NDUFA13: variants seen among roughly 807,000 people sequenced by gnomAD.
NDUFA13 encodes NADH:ubiquinone oxidoreductase subunit A13.
Under a neutral mutation model 17.0 loss-of-function variants are expected in NDUFA13, and 16 were observed. The observed-to-expected ratio is 0.94, with a 90% confidence interval of 0.64 to 1.43. The LOEUF is 1.43. Ranked by LOEUF, NDUFA13 falls within the 40% of genes most tolerant of loss-of-function variation. The probability of loss-of-function intolerance (pLI) is 0.00; values close to 1 mark genes in which losing one functional copy is unlikely to be tolerated. For synonymous variants in NDUFA13, 87 were observed against 78.4 expected (o/e 1.11, Z -0.58); for missense variants, 228 against 206.7 (o/e 1.10, Z -0.63).
chr19:19,526,987 C>T (rs907122886), intron 2 of NDUFA13, among the ~76,000 whole-genome samples: 1 of 152,244 alleles, frequency 6.6e-6, no homozygotes, highest in Non-Finnish European at 1.5e-5. Flanking sequence ...TCGCGATCAT[C>T]AGGCAGAGTT....
intron 1 of NDUFA13, among the ~76,000 whole-genome samples, chr19:19,524,068 C>G (rs1198765364): frequency 8.7e-6 from 1 of 114,316 alleles, no homozygotes; most frequent in South Asian, 3.1e-4. Flanking sequence ...AAAATTTGAT[C>G]CCACCACTGC....
At chr19:19,521,396 T>A (rs889741181) in intron 1 of NDUFA13, among the ~76,000 whole-genome samples, 29 of 152,416 alleles carry the variant, frequency 1.9e-4, no homozygotes, top group African/African-American at 6.7e-4. Flanking sequence ...TTTTATTATT[T>A]TTTTCAAGAG....
intron 1 of NDUFA13, among the ~76,000 whole-genome samples, chr19:19,520,619 G>T (rs923422027): frequency 9.2e-5 from 14 of 152,132 alleles, no homozygotes; most frequent in African/African-American, 3.4e-4. Context: ...AACAGAGTAA[G>T]ACTCCATCTC....
intron 1 of NDUFA13, among the ~76,000 whole-genome samples, chr19:19,518,015 G>T (rs1297860621): frequency 6.6e-6 from 1 of 151,528 alleles, no homozygotes; most frequent in African/African-American, 2.4e-5. Context: ...GGTGGCTCAT[G>T]CCTGTAATCC....
At chr19:19,527,824 G>A in intron 4 of NDUFA13, 54 bp downstream of exon 4, 1 of 1,531,152 alleles carries the variant, frequency 6.5e-7, no homozygotes, top group Admixed American at 2.0e-5. Context: ...ACAGGGCCTG[G>A]GGTTGGGGAG....
chr19:19,520,125 T>C (rs1395599605), intron 1 of NDUFA13, among the ~76,000 whole-genome samples: 3 of 152,184 alleles, frequency 2.0e-5, no homozygotes, highest in African/African-American at 4.8e-5. Context: ...ATTACAGGCA[T>C]GAGCCACTGC....
At chr19:19,526,130 A>G (rs759876898) in intron 1 of NDUFA13, 52 bp from the exon 2 acceptor site, 2 of 1,603,128 alleles carry the variant, frequency 1.2e-6, no homozygotes, top group Non-Finnish European at 8.5e-7. Context: ...GGAGCTGTGG[A>G]GGAGGGTGTC....
At chr19:19,521,874 TTACAGGTG>T (rs2061079772) in intron 1 of NDUFA13, among the ~76,000 whole-genome samples, 1 of 151,252 alleles carries the variant, frequency 6.6e-6, no homozygotes, top group Non-Finnish European at 1.5e-5. Flanking sequence ...AGTGCTGGGA[TTACAGGTG>T]TGAGCCACTG....
intron 1 of NDUFA13, among the ~76,000 whole-genome samples, chr19:19,523,182 A>G (rs1166088419): frequency 6.6e-6 from 1 of 152,198 alleles, no homozygotes; most frequent in Admixed American, 6.5e-5. Flanking sequence ...TGGGATTCTG[A>G]TGGGGATTGC....
chr19:19,527,427 C>G (rs538129519), intron 3 of NDUFA13, 75 bp downstream of exon 3: 57 of 1,546,528 alleles, frequency 3.7e-5, no homozygotes, highest in Non-Finnish European at 4.8e-5. Flanking sequence ...CCTGCATCCC[C>G]GAAGGTGGCC....
intron 1 of NDUFA13, among the ~76,000 whole-genome samples, chr19:19,517,211 T>C (rs561416127): frequency 6.6e-6 from 1 of 152,300 alleles, no homozygotes; most frequent in South Asian, 2.1e-4. Flanking sequence ...ATAGAAACTT[T>C]TAAACGTAAT....
At chr19:19,519,706 C>G (rs1327009001) in intron 1 of NDUFA13, among the ~76,000 whole-genome samples, 1 of 152,170 alleles carries the variant, frequency 6.6e-6, no homozygotes, top group East Asian at 1.9e-4. Context: ...CCAGGATGTG[C>G]CAGGAGGACC....
Position 19,522,840 on chromosome 19 carries a change from T to C in NDUFA13, c.95-3342T>C, listed in dbSNP as rs139818464. On this transcript the variant is annotated intron_variant, in intron 1 of 4. Transcript: ENST00000507754. ...ATAAAGAAGGAACGCATCCTCATTC[T>C]TTAGCATGTGGCTGTCTGGTTATCC... Among the ~76,000 whole-genome samples the C allele has an allele frequency of 4.9e-3, 742 of 152,130 alleles. 10 individuals carry two copies. The highest frequency in any genetic ancestry group is 0.017 in the African/African-American group (695 of 41,518).
rs1005127167 is a variant in NDUFA13, at chr19:19,527,821, C to CTGGGGT, written c.315+57_315+62dup. ...GTGCCAGCCACGGCAGAGACAGGGC[C>CTGGGGT]TGGGGTTGGGGAGCTCCCACAGCTT... On this transcript the variant is annotated intron_variant, in intron 4 of 4. Transcript: ENST00000507754. The CTGGGGT allele has an allele frequency of 2.0e-6, 3 of 1,537,312 alleles. No individual in the cohort carries two copies. The African/African-American group carries it at 4.1e-5, about 21-fold the overall frequency.
intron 1 of NDUFA13, among the ~76,000 whole-genome samples, chr19:19,522,348 G>A (rs1378920083): frequency 1.3e-5 from 2 of 151,698 alleles, no homozygotes; most frequent in Non-Finnish European, 2.9e-5. Context: ...TCCAATTTCT[G>A]TATTTTTCCT....
intron 1 of NDUFA13, among the ~76,000 whole-genome samples, chr19:19,519,190 C>T (rs1052500092): frequency 2.6e-5 from 4 of 151,912 alleles, no homozygotes; most frequent in Admixed American, 1.3e-4. Context: ...CACGCCTGGC[C>T]GAGTCTCATT....
At chr19:19,524,182 G>A (rs1272234084) in intron 1 of NDUFA13, among the ~76,000 whole-genome samples, 1 of 152,172 alleles carries the variant, frequency 6.6e-6, no homozygotes, top group Non-Finnish European at 1.5e-5. Context: ...TTCCCCACCA[G>A]ACTAGCAGTT....
chr19:19,521,492 C>T (rs2061077356), intron 1 of NDUFA13, among the ~76,000 whole-genome samples: 1 of 152,210 alleles, frequency 6.6e-6, no homozygotes, highest in African/African-American at 2.4e-5. Context: ...TGCTGAGATT[C>T]TAGGAGTGAA....
rs2061068103 is a variant in NDUFA13, at chr19:19,519,800, C to T, written c.94+3468C>T. Reference sequence around the variant, plus strand: ...CCTCTGTCCTCCTCTCCTGCCTCTCCTGAGCCATGGTCCACAGTGGCCTTC... The same window carrying T: ...CCTCTGTCCTCCTCTCCTGCCTCTCTTGAGCCATGGTCCACAGTGGCCTTC... On this transcript the variant is annotated intron_variant, in intron 1 of 4. Transcript: ENST00000507754. Among the ~76,000 whole-genome samples, 3 of 128,446 alleles carry T rather than the reference C, an allele frequency of 2.3e-5. No individual in the cohort carries two copies. In the East Asian group the frequency reaches 5.8e-4, roughly 25 times the overall value. The allele number at this position is 128,446 out of a possible 152,430, so 84.3% of individuals were successfully genotyped here.
Sources: gnomAD v4.1 joint callset for allele counts (sites outside exome capture counted in the v4.1 genomes callset) on GRCh38, gnomAD v4.1.1 for gene constraint, MANE v1.5 for transcripts, NCBI Gene and HGNC (gene_info 2026-07-23, HGNC 2026-07-21) for gene names.